The following RHEX variants were observed in gnomAD, a reference collection of about 807,000 sequenced individuals.
The protein encoded by RHEX is regulator of hemoglobinization and erythroid cell expansion protein.
In RHEX, 18 loss-of-function variants were observed where a neutral mutation model predicts 20.1. The ratio of observed to expected loss-of-function variants is 0.90; its 90% confidence interval spans 0.62 to 1.33. The LOEUF (loss-of-function observed/expected upper bound fraction) is 1.33, where lower values mean the gene tolerates loss of function less well. Among genes scored for constraint, RHEX ranks in the 40% most tolerant of loss-of-function variants. The probability of loss-of-function intolerance (pLI) is 0.00; values close to 1 mark genes in which losing one functional copy is unlikely to be tolerated. For missense variants in RHEX, 192 were observed against 214.3 expected (o/e 0.90, Z 0.65); for synonymous variants, 87 against 77.1 (o/e 1.13, Z -0.67).
chr1:206,075,192 G>T (rs1219452152), intron 1 of RHEX, among the ~76,000 whole-genome samples: 1 of 152,244 alleles, frequency 6.6e-6, no homozygotes, highest in Non-Finnish European at 1.5e-5. Flanking sequence ...GTAGCATCTT[G>T]CTGGAAAGTA....
Position 206,101,915 on chromosome 1 carries a change from T to A in RHEX, c.482T>A (p.Leu161Gln). Reference protein sequence around the residue: ...PSFWYFVNPALSEPAEYDQVA... With the variant: ...PSFWYFVNPAQSEPAEYDQVA... ...TTCTGGTATTTTGTCAACCCTGCTC[T>A]GTCTGAGCCAGCGGAATATGATCAA... Residue 161 changes from leucine (L) to glutamine (Q), a missense_variant, in exon 6 of 6, where the codon CTG becomes CAG. By Grantham distance (113) the Leu-to-Gln change is moderately radical. Transcript: ENST00000331555. 1 of 1,614,084 alleles carries A rather than the reference T, an allele frequency of 6.2e-7. No homozygotes were observed. The highest frequency in any genetic ancestry group is 8.5e-7 in the Non-Finnish European group (1 of 1,179,948).
intron 1 of RHEX, among the ~76,000 whole-genome samples, chr1:206,056,060 G>A (rs1268235041): frequency 6.6e-6 from 1 of 152,266 alleles, no homozygotes; most frequent in African/African-American, 2.4e-5. Context: ...AGATACCAAA[G>A]CTTGCTCTGT....
chr1:206,089,960 C>T (rs868918408), intron 1 of RHEX, among the ~76,000 whole-genome samples: 11 of 151,746 alleles, frequency 7.2e-5, no homozygotes, highest in African/African-American at 2.2e-4. Flanking sequence ...CTCCTTAATC[C>T]GTTTGGAATT....
At chr1:206,079,693 T>G (rs1222456290) in intron 1 of RHEX, among the ~76,000 whole-genome samples, 1 of 152,150 alleles carries the variant, frequency 6.6e-6, no homozygotes, top group Non-Finnish European at 1.5e-5. Flanking sequence ...GTAGCTGGGA[T>G]TACAGGTGTG....
chr1:206,077,541 G>A (rs868951038), intron 1 of RHEX, among the ~76,000 whole-genome samples: 3 of 152,176 alleles, frequency 2.0e-5, no homozygotes, highest in South Asian at 4.1e-4. Flanking sequence ...GGAGGGGAAG[G>A]AGGGAGGATG....
chr1:206,092,807 A>G (rs966526284), intron 1 of RHEX, among the ~76,000 whole-genome samples: 8 of 152,210 alleles, frequency 5.3e-5, no homozygotes, highest in Non-Finnish European at 8.8e-5. Context: ...TGGAAACTGC[A>G]TATTAAACTG....
At chr1:206,075,222 A>G (rs1662609769) in intron 1 of RHEX, among the ~76,000 whole-genome samples, 1 of 152,260 alleles carries the variant, frequency 6.6e-6, no homozygotes, top group Non-Finnish European at 1.5e-5. Context: ...AATGGCCAAC[A>G]TATATGACAT....
At chr1:206,069,641 A>G (rs1282435622) in intron 1 of RHEX, among the ~76,000 whole-genome samples, 1 of 152,228 alleles carries the variant, frequency 6.6e-6, no homozygotes, top group African/African-American at 2.4e-5. Context: ...GGGACTCTTC[A>G]ATACAGAATT....
intron 1 of RHEX, among the ~76,000 whole-genome samples, chr1:206,096,765 G>GTTTTT (rs60225298): frequency 8.1e-6 from 1 of 123,240 alleles, no homozygotes; most frequent in African/African-American, 3.3e-5. Flanking sequence ...CAAGTCCCCT[G>GTTTTT]TTTTTTTTTT....
chr1:206,066,737 A>G (rs1662430894), intron 1 of RHEX, among the ~76,000 whole-genome samples: 1 of 152,250 alleles, frequency 6.6e-6, no homozygotes. Flanking sequence ...CTGGCTGTAC[A>G]TACATATTCA....
intron 1 of RHEX, among the ~76,000 whole-genome samples, chr1:206,095,039 G>A (rs1424989833): frequency 6.6e-6 from 1 of 151,976 alleles, no homozygotes; most frequent in African/African-American, 2.4e-5. Context: ...TTACACTGGG[G>A]GGCTTTCAGG....
At position 206,098,170 on chromosome 1, in the gene RHEX, G is replaced by A; in HGVS notation, c.101G>A (p.Ser34Asn). ...CTCACCGCCATCAACTACCTGCTCAGCAGGCACATGGGTAACTGGCTCAGC... is the reference window on the plus strand; with the variant it reads ...CTCACCGCCATCAACTACCTGCTCAACAGGCACATGGGTAACTGGCTCAGC... ...CFLTAINYLL[S>N]RHMAHKSEQI... Residue 34 changes from serine to asparagine, a missense_variant, in exon 3 of 6, where the codon AGC becomes AAC. By Grantham distance (46) the Ser-to-Asn change is conservative (BLOSUM62 1). Coordinates refer to ENST00000331555, the MANE Select transcript of RHEX (RefSeq NM_001007544.4). 6.2e-7 allele frequency: 1 copy of A among 1,611,864 alleles called. No individual in the cohort carries two copies. Among genetic ancestry groups the A allele is most frequent in the Non-Finnish European group, 8.5e-7 (1 of 1,177,906 alleles).
At chr1:206,059,539 G>A (rs1662264958) in intron 1 of RHEX, among the ~76,000 whole-genome samples, 1 of 152,132 alleles carries the variant, frequency 6.6e-6, no homozygotes, top group African/African-American at 2.4e-5. Context: ...GTGGCCTGAG[G>A]GGTGCTATCT....
intron 1 of RHEX, among the ~76,000 whole-genome samples, chr1:206,091,670 C>T (rs966986809): frequency 2.0e-5 from 3 of 152,132 alleles, no homozygotes; most frequent in Admixed American, 6.5e-5. Context: ...CAGCTGGCAA[C>T]GTGGCAAATT....
intron 1 of RHEX, among the ~76,000 whole-genome samples, chr1:206,071,599 C>A (rs560711378): frequency 6.7e-6 from 1 of 149,072 alleles, no homozygotes; most frequent in Non-Finnish European, 1.5e-5. Context: ...GTCATCCCAG[C>A]GCTTTGGGAG....
At chr1:206,080,032 G>A (rs1480656611) in intron 1 of RHEX, among the ~76,000 whole-genome samples, 1 of 152,340 alleles carries the variant, frequency 6.6e-6, no homozygotes, top group African/African-American at 2.4e-5. Flanking sequence ...CCTTATAGAC[G>A]TTGTTCAGGA....
At chr1:206,062,997 G>A (rs557537378) in intron 1 of RHEX, among the ~76,000 whole-genome samples, 5 of 152,216 alleles carry the variant, frequency 3.3e-5, no homozygotes, top group Admixed American at 6.5e-5. Context: ...GATGTGCTAC[G>A]GGGAAATAAA....
At chr1:206,098,626 C>G (rs28540967) in intron 3 of RHEX, 1 of 156,798 alleles carries the variant, frequency 6.4e-6, no homozygotes, top group East Asian at 1.8e-4. Flanking sequence ...TAGTGAAGCT[C>G]GGTCCTGGAA....
chr1:206,066,334 G>A (rs1314585892), intron 1 of RHEX, among the ~76,000 whole-genome samples: 2 of 152,192 alleles, frequency 1.3e-5, no homozygotes, highest in African/African-American at 4.8e-5. Context: ...GTTACAACCT[G>A]GGCCAGGCAC....
Sources: allele counts gnomAD v4.1 joint callset (sites outside exome capture counted in the v4.1 genomes callset), GRCh38; gene constraint gnomAD v4.1.1; transcripts MANE v1.5; gene names NCBI Gene and HGNC (gene_info 2026-07-23, HGNC 2026-07-21).